PCBP3: variants seen among roughly 807,000 people sequenced by gnomAD.
The protein encoded by PCBP3 is poly(rC) binding protein 3, also known as poly(rC)-binding protein 3.
PCBP3 carries 25 observed loss-of-function variants against 52.7 expected under a neutral mutation model. The observed-to-expected ratio is 0.47, with a 90% CI of 0.35 to 0.66. The LOEUF is 0.66. Ranked by LOEUF, PCBP3 falls within the 30% of genes least tolerant of loss-of-function variation. The pLI is 0.01. For synonymous variants in PCBP3, 162 were observed against 183.0 expected (o/e 0.89, Z 0.93); for missense variants, 391 against 490.3 (o/e 0.80, Z 1.91).
intron 2 of PCBP3, among the ~76,000 whole-genome samples, chr21:45,720,561 T>C (rs1002684422): frequency 1.3e-5 from 2 of 152,224 alleles, no homozygotes; most frequent in Admixed American, 1.3e-4. Context: ...TTAAGCAGTG[T>C]GAGTAAATTA....
rs574564004 is a variant in PCBP3 at position 45,670,516 on chromosome 21, T to C, written c.-200+1564T>C. 1.1e-4 allele frequency among the ~76,000 whole-genome samples: 16 copies of C among 152,346 alleles called. No homozygotes were observed. In the South Asian group the frequency reaches 3.1e-3, roughly 30 times the overall value. On this transcript the variant is annotated intron_variant, in intron 2 of 17. Transcript: ENST00000681687. The stretch of plus-strand genomic sequence containing the variant: ...AATAATTTGGGATGATTATTGTTTT[T>C]AGAGAGGTTTTCATCAGGTACTGCT...
chr21:45,875,695 G>T (rs1040346633), intron 5 of PCBP3, among the ~76,000 whole-genome samples: 1 of 152,232 alleles, frequency 6.6e-6, no homozygotes, highest in Admixed American at 6.5e-5. Flanking sequence ...TGCCCTCCCA[G>T]TGAGCTGGGA....
In PCBP3 at chr21:45,917,141, G is replaced by A. The variant is rs1322652281; in HGVS notation, c.676-447G>A. The stretch of plus-strand genomic sequence containing the variant: ...CCACTTCCTACGTAGACTGGCTTTT[G>A]GTGAATTGGTTTTGGTCACCTTTTA... On this transcript the variant is annotated intron_variant, in intron 12 of 17. Transcript: ENST00000681687. The surrounding 1 kb of genome is among the most constrained non-coding windows in gnomAD (Gnocchi z 5.3). 6.2e-6 allele frequency: 1 copy of A among 161,802 alleles called. No homozygotes were observed. The highest frequency in any genetic ancestry group is 2.4e-5 in the African/African-American group (1 of 41,616). 10.0% of individuals were successfully genotyped at this position (161,802 alleles called of 1,614,324 possible). A position where few individuals can be genotyped will look rare whatever the true frequency, so the allele number is the denominator to read the frequency against.
chr21:45,837,747 C>T lies in PCBP3; in HGVS notation c.-125-12214C>T, dbSNP rs115666117. On this transcript the variant is annotated intron_variant, in intron 4 of 17. Transcript: ENST00000681687. This position sits in a 1 kb window ranked among gnomAD's most constrained non-coding sequence, Gnocchi z 4.1. ...TCCTAGGTGGCACTGCACGTTGCAC[C>T]GCATGGCATGATGAGGCGTGTGGTC... Among the ~76,000 whole-genome samples, 224 of 152,292 alleles carry T rather than the reference C, an allele frequency of 1.5e-3. 1 individual carries two copies. Among genetic ancestry groups the T allele is most frequent in the African/African-American group, 5.1e-3 (214 of 41,556 alleles).
intron 5 of PCBP3, among the ~76,000 whole-genome samples, chr21:45,887,999 A>G (rs905243976): frequency 1.3e-5 from 2 of 152,186 alleles, no homozygotes; most frequent in Admixed American, 6.5e-5. Flanking sequence ...ATGGCCCTGC[A>G]TCGCTGCTGA....
At chr21:45,882,329 T>C (rs1024919451) in intron 5 of PCBP3, among the ~76,000 whole-genome samples, 2 of 152,248 alleles carry the variant, frequency 1.3e-5, no homozygotes, top group African/African-American at 4.8e-5. Context: ...TGTCTCCTTC[T>C]GAGAAGCTTC....
intron 4 of PCBP3, among the ~76,000 whole-genome samples, chr21:45,783,046 A>G (rs55920648): frequency 9.6e-4 from 146 of 152,320 alleles, no homozygotes; most frequent in Non-Finnish European, 1.4e-3. Context: ...TTTCCTCCAT[A>G]ATTGCTCTTC....
intron 16 of PCBP3, 170 bp downstream of exon 16, chr21:45,935,475 T>C (rs754439105): frequency 6.6e-5 from 46 of 700,036 alleles, no homozygotes; most frequent in Non-Finnish European, 1.0e-4. Context: ...AAAGTGGGTT[T>C]AATGCCCATA....
intron 9 of PCBP3, 87 bp downstream of exon 9, chr21:45,901,200 G>T: frequency 1.1e-6 from 1 of 932,850 alleles, no homozygotes; most frequent in Admixed American, 1.7e-5. Context: ...CCTACACCTG[G>T]ACTAGGGGAT....
chr21:45,825,531 C>T (rs1033914480), intron 4 of PCBP3, among the ~76,000 whole-genome samples: 3 of 152,168 alleles, frequency 2.0e-5, no homozygotes, highest in African/African-American at 7.2e-5. Context: ...CCACTCCTGG[C>T]GGCTCAACAG....
intron 9 of PCBP3, chr21:45,901,364 C>T (rs1275443792): frequency 4.5e-6 from 2 of 445,464 alleles, no homozygotes; most frequent in Non-Finnish European, 8.4e-6. Context: ...CCACCTCCCT[C>T]AGCTTCCCCA....
intron 4 of PCBP3, among the ~76,000 whole-genome samples, chr21:45,759,582 G>C (rs1273439625): frequency 6.6e-6 from 1 of 152,166 alleles, no homozygotes; most frequent in African/African-American, 2.4e-5. Context: ...ACAGTAGACA[G>C]ACAGAACACA....
intron 4 of PCBP3, among the ~76,000 whole-genome samples, chr21:45,793,482 A>ACCT (rs1452301052): frequency 7.2e-5 from 11 of 152,094 alleles, no homozygotes; most frequent in Non-Finnish European, 1.6e-4. Context: ...GTTTAACAGG[A>ACCT]GTCTGAGGAC....
intron 5 of PCBP3, chr21:45,893,665 C>T (rs62211942): frequency 0.41 from 343,855 of 845,596 alleles, 73,311 homozygotes; most frequent in African/African-American, 0.7. Flanking sequence ...TGTGCCTGTC[C>T]CTTCTCCCTG....
intron 4 of PCBP3, among the ~76,000 whole-genome samples, chr21:45,790,570 C>T (rs780387364): frequency 6.6e-6 from 1 of 152,082 alleles, no homozygotes; most frequent in Non-Finnish European, 1.5e-5. Flanking sequence ...AGAAGAGGAG[C>T]AAGGACCCAG....
At chr21:45,787,392 G>A (rs1603426636) in intron 4 of PCBP3, among the ~76,000 whole-genome samples, 1 of 151,890 alleles carries the variant, frequency 6.6e-6, no homozygotes, top group Middle Eastern at 3.4e-3. Context: ...CTACAGGCGC[G>A]TGTCACCACA....
chr21:45,804,838 G>A (rs921362626), intron 4 of PCBP3, among the ~76,000 whole-genome samples: 3 of 152,162 alleles, frequency 2.0e-5, no homozygotes, highest in Non-Finnish European at 2.9e-5. Context: ...GGGTGGGAAG[G>A]AAGGATTGCC....
chr21:45,734,504 TGCAGGCCCAGCC>T (rs1240640255), intron 2 of PCBP3, among the ~76,000 whole-genome samples: 1 of 152,170 alleles, frequency 6.6e-6, no homozygotes, highest in Non-Finnish European at 1.5e-5. Flanking sequence ...GAGACGGTGC[TGCAGGCCCAGCC>T]CACCGACTTC....
intron 2 of PCBP3, among the ~76,000 whole-genome samples, chr21:45,703,696 A>G (rs577406209): frequency 2.0e-5 from 3 of 152,262 alleles, no homozygotes; most frequent in African/African-American, 7.2e-5. Context: ...TGAACAGAAG[A>G]AGGAGCACAT....
Sources: gnomAD v4.1 joint callset for allele counts (sites outside exome capture counted in the v4.1 genomes callset) on GRCh38, gnomAD v4.1.1 for gene constraint, Gnocchi (gnomAD v3.1) non-coding constraint, MANE v1.5 for transcripts, NCBI Gene and HGNC (gene_info 2026-07-23, HGNC 2026-07-21) for gene names.